The following PTK2B variants were observed in gnomAD, a reference collection of about 807,000 sequenced individuals.
The protein encoded by PTK2B is protein tyrosine kinase 2 beta.
PTK2B carries 71 observed loss-of-function variants against 142.9 expected under a neutral mutation model. The ratio of observed to expected loss-of-function variants is 0.50; its 90% confidence interval spans 0.41 to 0.61. PTK2B has a LOEUF of 0.61. Among genes scored for constraint, PTK2B ranks in the 20% least tolerant of loss-of-function variants. The pLI is 0.00. For synonymous variants in PTK2B, 519 were observed against 503.4 expected, an observed-to-expected ratio of 1.03 and a Z score of -0.42; for missense variants, 1,105 against 1,320.4, an observed-to-expected ratio of 0.84 and a Z score of 2.53.
At chr8:27,444,693 T>A (rs1359223551) in intron 23 of PTK2B, among the ~76,000 whole-genome samples, 1 of 152,022 alleles carries the variant, frequency 6.6e-6, no homozygotes, top group Non-Finnish European at 1.5e-5. Context: ...TTACCTGAGC[T>A]TTCTCCCAGC....
intron 1 of PTK2B, among the ~76,000 whole-genome samples, chr8:27,384,826 G>A (rs1807242926): frequency 6.6e-6 from 1 of 152,154 alleles, no homozygotes; most frequent in South Asian, 2.1e-4. Flanking sequence ...ATGTAAACAG[G>A]GTGAAGAACC....
At chr8:27,369,176 T>C (rs932713037) in intron 1 of PTK2B, among the ~76,000 whole-genome samples, 2 of 152,166 alleles carry the variant, frequency 1.3e-5, no homozygotes, top group Non-Finnish European at 2.9e-5. Context: ...TCCACTTCCC[T>C]CTTCTTAAAG....
In PTK2B at chr8:27,437,785, G is replaced by A. The variant is rs373779845; in HGVS notation, c.1548G>A (p.Arg516=). The A allele has an allele frequency of 3.1e-5, 50 of 1,612,380 alleles. No individual in the cohort carries two copies. Among genetic ancestry groups the A allele is most frequent in the Non-Finnish European group, 4.1e-5 (48 of 1,179,510 alleles). The change falls in exon 18 of 31, where the codon CGG becomes CGA. Residue 516 remains arginine, a synonymous_variant. Coordinates refer to ENST00000346049, the MANE Select transcript of PTK2B (RefSeq NM_173176.3). ...PYGELGHYLE[R]NKNSLKVLTL... ...TGCAGCTGGGCCACTACCTGGAGCG[G>A]AACAAGAACTCCCTGAAGGTGCTCA...
chr8:27,385,533 C>G lies in PTK2B; in HGVS notation c.-37-12015C>G, dbSNP rs188783503. Among the ~76,000 whole-genome samples, 188 of 152,264 alleles carry G rather than the reference C, an allele frequency of 1.2e-3. 1 individual carries two copies. The highest frequency in any genetic ancestry group is 3.7e-3 in the African/African-American group (152 of 41,542). On this transcript the variant is annotated intron_variant, in intron 1 of 30. Transcript: ENST00000346049. ...TGAATTTCAGGGGCCTGGTTGCTTC[C>G]TCATCTAGCTTGGTGGTAAGAAGCT... is the stretch of plus-strand genomic sequence containing the variant.
chr8:27,369,066 G>C (rs1396856359), intron 1 of PTK2B, among the ~76,000 whole-genome samples: 1 of 152,174 alleles, frequency 6.6e-6, no homozygotes, highest in Non-Finnish European at 1.5e-5. Context: ...AGCTGCAGCT[G>C]GTTGCTTCTC....
chr8:27,437,255 G>A, intron 16 of PTK2B, 49 bp downstream of exon 16: 1 of 1,579,224 alleles, frequency 6.3e-7, no homozygotes, highest in Non-Finnish European at 8.7e-7. Context: ...AGGGGCTTCA[G>A]CCTGGGAAGA....
chr8:27,451,152 C>A, intron 26 of PTK2B, 74 bp downstream of exon 26: 1 of 1,512,930 alleles, frequency 6.6e-7, no homozygotes. Context: ...GACCCCCCGC[C>A]CAACTTGCTC....
chr8:27,449,034 T>A (rs7000364), intron 24 of PTK2B, among the ~76,000 whole-genome samples: 52,441 of 152,108 alleles, frequency 0.34, 9,442 homozygotes, highest in South Asian at 0.45. Context: ...ACAACTGGGG[T>A]GGTGCTATAG....
chr8:27,427,724 TG>T (rs1207902815), intron 5 of PTK2B, among the ~76,000 whole-genome samples: 2 of 152,122 alleles, frequency 1.3e-5, no homozygotes, highest in African/African-American at 4.8e-5. Context: ...GAAGCTGCCG[TG>T]GTCAGTCGCA....
At chr8:27,419,725 A>G (rs1020956286) in intron 2 of PTK2B, among the ~76,000 whole-genome samples, 170 bp from the exon 3 acceptor site, 4 of 152,180 alleles carry the variant, frequency 2.6e-5, no homozygotes, top group Non-Finnish European at 5.9e-5. Flanking sequence ...AATTTATCAG[A>G]TAGAGCCCAT....
intron 1 of PTK2B, among the ~76,000 whole-genome samples, chr8:27,344,177 TTC>T (rs1299868775): frequency 1.3e-5 from 2 of 152,090 alleles, no homozygotes; most frequent in African/African-American, 4.8e-5. Context: ...CCTCTCCCAC[TTC>T]TCTCTCCCCA....
chr8:27,332,185 C>G (rs1803793997), intron 1 of PTK2B, among the ~76,000 whole-genome samples: 1 of 152,218 alleles, frequency 6.6e-6, no homozygotes, highest in South Asian at 2.1e-4. Flanking sequence ...GAAAGAGAGT[C>G]AGAGGGCAGG....
At chr8:27,436,031 G>C (rs548066483) in intron 14 of PTK2B, among the ~76,000 whole-genome samples, 1 of 152,238 alleles carries the variant, frequency 6.6e-6, no homozygotes, top group East Asian at 1.9e-4. Context: ...TAGTAACGTG[G>C]ACCTGGGACC....
At chr8:27,341,283 G>A (rs760869843) in intron 1 of PTK2B, among the ~76,000 whole-genome samples, 24 of 152,172 alleles carry the variant, frequency 1.6e-4, no homozygotes, top group African/African-American at 5.8e-4. Flanking sequence ...GCGGGCCCCC[G>A]TCTCGTGCCC....
rs372482296 is a variant in PTK2B, at chr8:27,314,169, C to G, written c.-414+882C>G. ...ATTAGCTCATACCCTTTTGTTCAAT[C>G]ATATTTCTACACAGCTACTCATACT... On this transcript the variant is annotated intron_variant, in intron 3 of 35. Transcript: ENST00000397501. Among the ~76,000 whole-genome samples, 9 of 152,358 alleles carry G rather than the reference C, an allele frequency of 5.9e-5. No individual in the cohort carries two copies. The East Asian group carries it at 9.6e-4, about 16-fold the overall frequency.
At position 27,397,614 on chromosome 8, in the gene PTK2B, A is replaced by T; in HGVS notation, c.30A>T (p.Arg10=). 6.2e-7 allele frequency: 1 copy of T among 1,614,102 alleles called. No homozygotes were observed. The highest frequency in any genetic ancestry group is 1.1e-5 in the South Asian group (1 of 91,074). Residue 10 remains arginine, a synonymous_variant, in exon 2 of 31, where the codon CGA becomes CGT. Transcript: ENST00000346049. The stretch of plus-strand genomic sequence containing the variant: ...CTGGGGTGTCCGAGCCCCTGAGTCG[A>T]GTAAAGTTGGGCACGTTACGCCGGC... The part of the protein sequence containing the change: MSGVSEPLS[R]VKLGTLRRPE...
intron 1 of PTK2B, among the ~76,000 whole-genome samples, chr8:27,394,299 A>G (rs1379822260): frequency 1.3e-5 from 2 of 152,160 alleles, no homozygotes; most frequent in African/African-American, 4.8e-5. Flanking sequence ...GTTTACTTAC[A>G]CAAACCTAGA....
At chr8:27,449,062 G>C (rs749236375) in intron 24 of PTK2B, among the ~76,000 whole-genome samples, 1 of 152,192 alleles carries the variant, frequency 6.6e-6, no homozygotes, top group East Asian at 1.9e-4. Flanking sequence ...TTGTGGGGAG[G>C]CCAGAGATGC....
At chr8:27,310,736 G>C (rs1802916085), upstream of PTK2B, 2 of 1,489,728 alleles carry the variant, frequency 1.3e-6, no homozygotes, top group African/African-American at 1.4e-5. Context: ...GGCGGGAGCC[G>C]CAGAGCCAAG....
Sources: gnomAD v4.1 joint callset for allele counts (sites outside exome capture counted in the v4.1 genomes callset) on GRCh38, gnomAD v4.1.1 for gene constraint, MANE v1.5 for transcripts, NCBI Gene and HGNC (gene_info 2026-07-23, HGNC 2026-07-21) for gene names.